The following USP35 variants were observed in gnomAD, a reference collection of about 807,000 sequenced individuals.
The protein encoded by USP35 is ubiquitin specific peptidase 35.
A neutral mutation model predicts 83.8 loss-of-function variants in USP35; 69 were observed. The ratio of observed to expected loss-of-function variants is 0.82; its 90% CI spans 0.68 to 1.01. The LOEUF is 1.01. USP35 is among the 50% of genes least tolerant of loss of function. The pLI, the probability that USP35 is intolerant of heterozygous loss-of-function variation, is 0.00. For missense variants in USP35, 1,503 were observed against 1,362.5 expected (o/e 1.10, Z -1.62); for synonymous variants, 714 against 589.5 (o/e 1.21, Z -3.06).
chr11:78,191,393 A>G (rs1863000463), intron 1 of USP35, among the ~76,000 whole-genome samples: 1 of 152,206 alleles, frequency 6.6e-6, no homozygotes, highest in African/African-American at 2.4e-5. Context: ...TCATGCCAGT[A>G]GGGCGAGGGG....
At chr11:78,220,546 T>TAC in the USP35 span, 1 of 974,960 alleles carries the variant, frequency 1.0e-6, no homozygotes, top group East Asian at 2.5e-5. Context: ...CCCTGAGCCC[T>TAC]ACTCTGACAC....
At chr11:78,195,977 C>T (rs928716126) in intron 1 of USP35, among the ~76,000 whole-genome samples, 1 of 152,194 alleles carries the variant, frequency 6.6e-6, no homozygotes, top group Non-Finnish European at 1.5e-5. Context: ...ATCCTGCTGC[C>T]TGGGCCTCCC....
chr11:78,226,525 C>T, the USP35 span: 45 of 1,611,254 alleles, frequency 2.8e-5, no homozygotes, highest in South Asian at 2.2e-4. Context: ...ATGGTGGCAG[C>T]GACAGATCTG....
chr11:78,221,850 G>T, the USP35 span: 1 of 1,084,548 alleles, frequency 9.2e-7, no homozygotes, highest in Non-Finnish European at 1.4e-6. Context: ...CCTCCAGCTG[G>T]GCCCTGACCC....
chr11:78,224,036 C>T, the USP35 span, among the ~76,000 whole-genome samples: 2 of 152,126 alleles, frequency 1.3e-5, no homozygotes, highest in Non-Finnish European at 2.9e-5. Flanking sequence ...GAGCCAAGAT[C>T]ATGCCACTGC....
rs199583040 is a variant in USP35 at position 78,208,846 on chromosome 11, C to T, written c.1486-11C>T. On this transcript the variant is annotated splice_polypyrimidine_tract_variant and intron_variant, in intron 8 of 10. Transcript: ENST00000529308. The stretch of plus-strand genomic sequence containing the variant: ...TGCTCCTGACCATGCCTTTCGCCTG[C>T]CTTGTCCTAGCGGCCTGCCATTTCC... 3.1e-6 allele frequency: 5 copies of T among 1,614,108 alleles called. No homozygotes were observed. The Admixed American group carries it at 6.7e-5, about 22-fold the overall frequency.
At chr11:78,205,725 T>A in intron 6 of USP35, 117 bp from the exon 7 acceptor site, 1 of 1,078,578 alleles carries the variant, frequency 9.3e-7, no homozygotes, top group Non-Finnish European at 1.3e-6. Flanking sequence ...TGTGGGGGGG[T>A]GTGCCTGGGA....
the USP35 span, chr11:78,222,068 C>G: frequency 0.012 from 16,863 of 1,383,166 alleles, 160 homozygotes; most frequent in Non-Finnish European, 0.015. Flanking sequence ...CCTAATGGCC[C>G]GACTCCAAGC....
the USP35 span, among the ~76,000 whole-genome samples, chr11:78,230,491 T>A: frequency 6.6e-6 from 1 of 152,268 alleles, no homozygotes; most frequent in African/African-American, 2.4e-5. Context: ...CATTCCTTCC[T>A]CTGTGCTACC....
chr11:78,206,987 C>T (rs1247225845), intron 7 of USP35, among the ~76,000 whole-genome samples: 3 of 152,202 alleles, frequency 2.0e-5, no homozygotes, highest in African/African-American at 7.2e-5. Context: ...CTGCCTCCCT[C>T]ATTGGAAGGC....
At chr11:78,218,431 G>A (rs1864254393), downstream of USP35, 1 of 152,526 alleles carries the variant, frequency 6.6e-6, no homozygotes, top group African/African-American at 2.4e-5. Context: ...CTGGGGAAGA[G>A]GACTAGCCCT....
the USP35 span, chr11:78,225,139 T>C: frequency 7.4e-6 from 12 of 1,613,546 alleles, no homozygotes; most frequent in Non-Finnish European, 1.0e-5. Context: ...ACTCATGGAT[T>C]CAGCAGACCG....
the USP35 span, among the ~76,000 whole-genome samples, chr11:78,224,844 C>T: frequency 6.6e-6 from 1 of 152,068 alleles, no homozygotes; most frequent in Non-Finnish European, 1.5e-5. Flanking sequence ...GGGTCTATTG[C>T]ATTCTAGATC....
intron 9 of USP35, among the ~76,000 whole-genome samples, 190 bp from the exon 10 acceptor site, chr11:78,209,258 C>T (rs527481762): frequency 2.0e-5 from 3 of 151,528 alleles, no homozygotes; most frequent in Admixed American, 6.6e-5. Flanking sequence ...TTATGTAGGG[C>T]GTGTGGGTGA....
At chr11:78,233,295 A>C in the USP35 span, among the ~76,000 whole-genome samples, 6 of 152,160 alleles carry the variant, frequency 3.9e-5, no homozygotes, top group Admixed American at 3.3e-4. Flanking sequence ...TTGGTCTCCC[A>C]AAGTGCTGGG....
chr11:78,209,192 G>A (rs1439178557), intron 9 of USP35, among the ~76,000 whole-genome samples: 2 of 152,178 alleles, frequency 1.3e-5, no homozygotes, highest in East Asian at 1.9e-4. Context: ...TCTGCACACC[G>A]GGCCGTGCAT....
Position 78,196,432 on chromosome 11 carries a change from C to T in USP35, c.187C>T (p.Gln63Ter), listed in dbSNP as rs1227183581. The stretch of plus-strand genomic sequence containing the variant: ...GGAGCTGCCGCGCCGCGTGGGCTGC[C>T]AGCTGCTGCACGTGGCCGGCCGCCA... ...AEELPRRVGC[Q>*]LLHVAGRHHP... Residue 63 changes from glutamine to a stop codon, truncating the protein, a stop_gained, in exon 2 of 11, where the codon CAG becomes TAG. Coordinates refer to ENST00000529308, the MANE Select transcript of USP35 (RefSeq NM_020798.4). LOFTEE classifies it high-confidence loss of function. The surrounding 1 kb of genome is among the most constrained non-coding windows in gnomAD (Gnocchi z 4.8). 6.2e-6 allele frequency: 8 copies of T among 1,285,534 alleles called. No homozygotes were observed. The highest frequency in any genetic ancestry group is 7.9e-6 in the Non-Finnish European group (8 of 1,018,214). The allele number at this position is 1,285,534 out of a possible 1,614,324, so 79.6% of individuals were successfully genotyped here.
intron 6 of USP35, among the ~76,000 whole-genome samples, chr11:78,202,988 T>C (rs1863403325): frequency 6.6e-6 from 1 of 152,086 alleles, no homozygotes; most frequent in African/African-American, 2.4e-5. Flanking sequence ...AATGCTGTAA[T>C]GAAGGTGCAG....
chr11:78,212,121 G>T (rs952299370), intron 10 of USP35, among the ~76,000 whole-genome samples: 1 of 151,936 alleles, frequency 6.6e-6, no homozygotes, highest in Non-Finnish European at 1.5e-5. Flanking sequence ...TTTGTATAAG[G>T]TATAAGGAGG....
Sources: gnomAD v4.1 joint callset for allele counts (sites outside exome capture counted in the v4.1 genomes callset) on GRCh38, gnomAD v4.1.1 for gene constraint, Gnocchi (gnomAD v3.1) non-coding constraint, MANE v1.5 for transcripts, NCBI Gene and HGNC (gene_info 2026-07-23, HGNC 2026-07-21) for gene names.